EBF2: variants seen among roughly 807,000 people sequenced by gnomAD.
The protein encoded by EBF2 is transcription factor COE2.
In EBF2, 21 loss-of-function variants were observed where a neutral mutation model predicts 72.8. That is an observed-to-expected ratio of 0.29 (90% CI 0.20 to 0.42). The LOEUF (loss-of-function observed/expected upper bound fraction) is 0.42. Among genes scored for constraint, EBF2 ranks in the 10% least tolerant of loss-of-function variants. The pLI is 1.00. For missense variants in EBF2, 637 were observed against 731.2 expected (o/e 0.87, Z 1.49); for synonymous variants, 299 against 274.2 (o/e 1.09, Z -0.89).
intron 6 of EBF2, among the ~76,000 whole-genome samples, chr8:26,002,920 AGGCGGGCAGGCAGGCAGGCAGGCGGGCG>A (rs1563204761): frequency 0.025 from 222 of 8,952 alleles, no homozygotes; most frequent in Middle Eastern, 0.1. Context: ...GCAGGCGGGC[AGGCGGGCAGGCAGGCAGGCAGGCGGGCG>A]GGCAGGCAGG....
intron 6 of EBF2, among the ~76,000 whole-genome samples, chr8:25,956,328 C>CT (rs1293749890): frequency 1.3e-5 from 2 of 151,792 alleles, no homozygotes; most frequent in Admixed American, 1.3e-4. Context: ...TCCCTTGAAC[C>CT]TGGGAGGTGG....
At chr8:25,938,759 TG>T (rs1342127000) in intron 6 of EBF2, among the ~76,000 whole-genome samples, 1 of 152,170 alleles carries the variant, frequency 6.6e-6, no homozygotes, top group African/African-American at 2.4e-5. Context: ...TTGGCTCTGC[TG>T]AATGGTGGGT....
chr8:26,041,022 T>TGGG lies in EBF2; in HGVS notation c.289-21_289-20insCCC. The TGGG allele has an allele frequency of 6.2e-7, 1 of 1,613,742 alleles. No homozygotes were observed. Among genetic ancestry groups the TGGG allele is most frequent in the Non-Finnish European group, 8.5e-7 (1 of 1,179,846 alleles). ...TTGTTCCTGAAAAGACAGGCAGCGT[T>TGGG]CGATTCCCTTGCCTTTCAGCCCCCC... On this transcript the variant is annotated intron_variant, in intron 2 of 15. Coordinates refer to ENST00000520164, the MANE Select transcript of EBF2 (RefSeq NM_022659.4).
At chr8:25,927,568 T>C (rs1803406865) in intron 6 of EBF2, among the ~76,000 whole-genome samples, 1 of 152,012 alleles carries the variant, frequency 6.6e-6, no homozygotes. Context: ...CACCAAATAA[T>C]GTGGTCCTTT....
Position 25,868,861 on chromosome 8 carries a change from G to C in EBF2, c.1010-6064C>G, listed in dbSNP as rs138143467. 2.6e-5 allele frequency among the ~76,000 whole-genome samples: 4 copies of C among 151,986 alleles called. No homozygotes were observed. In the East Asian group the frequency reaches 7.7e-4, roughly 29 times the overall value. On this transcript the variant is annotated intron_variant, in intron 10 of 15. Coordinates refer to ENST00000520164, the MANE Select transcript of EBF2 (RefSeq NM_022659.4). ...TCCTAATTATTTGAGGTGTTGAGTC[G>C]CTCCATATATAAGGAATTTTGCTTG...
intron 14 of EBF2, among the ~76,000 whole-genome samples, chr8:25,853,287 T>TAATA (rs980747133): frequency 8.6e-5 from 13 of 151,994 alleles, no homozygotes; most frequent in African/African-American, 3.1e-4. Context: ...AAAATATTTG[T>TAATA]AATACTTATT....
chr8:25,968,960 G>T (rs563483673), intron 6 of EBF2, among the ~76,000 whole-genome samples: 3 of 152,168 alleles, frequency 2.0e-5, no homozygotes, highest in South Asian at 4.2e-4. Context: ...AGATGGTTAA[G>T]GTGGTAAGTG....
At chr8:25,980,153 A>G (rs150909224) in intron 6 of EBF2, among the ~76,000 whole-genome samples, 81 of 152,274 alleles carry the variant, frequency 5.3e-4, no homozygotes, top group African/African-American at 1.8e-3. Flanking sequence ...AAAAAACGGA[A>G]AAGCGGGGGT....
At chr8:25,979,394 C>T (rs1262076973) in intron 6 of EBF2, among the ~76,000 whole-genome samples, 1 of 152,180 alleles carries the variant, frequency 6.6e-6, no homozygotes, top group African/African-American at 2.4e-5. Context: ...TGTCATGCCA[C>T]ACGGCATTCG....
chr8:25,987,101 T>A (rs1214852010), intron 6 of EBF2, among the ~76,000 whole-genome samples: 1 of 152,106 alleles, frequency 6.6e-6, no homozygotes, highest in Non-Finnish European at 1.5e-5. Flanking sequence ...AAGAGGAAGA[T>A]AAGGCTAAAG....
At chr8:25,979,367 G>A (rs147475322) in intron 6 of EBF2, among the ~76,000 whole-genome samples, 1,804 of 152,296 alleles carry the variant, frequency 0.012, 20 homozygotes, top group Non-Finnish European at 0.017. Context: ...CCTGCCCCCG[G>A]CCCTCGAGTC....
At chr8:25,877,304 C>T (rs1032228372) in intron 10 of EBF2, among the ~76,000 whole-genome samples, 5 of 152,290 alleles carry the variant, frequency 3.3e-5, no homozygotes, top group African/African-American at 7.2e-5. Context: ...GAAGTCTGCG[C>T]GGAAGACAGA....
chr8:26,010,495 T>C (rs1804959791), intron 6 of EBF2, among the ~76,000 whole-genome samples: 1 of 152,142 alleles, frequency 6.6e-6, no homozygotes. Flanking sequence ...TGCAGAGCTC[T>C]CCGTTGAACA....
At chr8:25,930,660 A>G (rs563425518) in intron 6 of EBF2, among the ~76,000 whole-genome samples, 2 of 152,314 alleles carry the variant, frequency 1.3e-5, no homozygotes, top group South Asian at 4.1e-4. Context: ...TTAGGTTTAT[A>G]AATGTACTTG....
chr8:26,040,780 C>T, intron 3 of EBF2, 109 bp from the exon 4 acceptor site: 1 of 1,485,494 alleles, frequency 6.7e-7, no homozygotes, highest in Non-Finnish European at 9.1e-7. Flanking sequence ...CATGCTGAGC[C>T]GCCCTGGAGA....
intron 1 of EBF2, among the ~76,000 whole-genome samples, chr8:26,043,355 C>T (rs376809710): frequency 6.6e-6 from 1 of 152,252 alleles, no homozygotes; most frequent in Non-Finnish European, 1.5e-5. Flanking sequence ...AGCTCTCCCC[C>T]ACTAAGTCTG....
At chr8:25,907,839 G>A (rs956793568) in intron 7 of EBF2, among the ~76,000 whole-genome samples, 5 of 152,174 alleles carry the variant, frequency 3.3e-5, no homozygotes, top group Admixed American at 1.3e-4. Flanking sequence ...TCAAGGAAGG[G>A]GGCCGAGAGG....
intron 6 of EBF2, among the ~76,000 whole-genome samples, chr8:26,027,835 T>C (rs1805325345): frequency 6.6e-6 from 1 of 152,174 alleles, no homozygotes; most frequent in South Asian, 2.1e-4. Context: ...CTTGAGGTGA[T>C]GCTAAGTGAA....
chr8:25,849,352 A>G (rs550851324), intron 15 of EBF2, among the ~76,000 whole-genome samples: 33 of 152,242 alleles, frequency 2.2e-4, no homozygotes, highest in Admixed American at 9.2e-4. Flanking sequence ...CTCAGCCACA[A>G]GAGGAGACTG....
Sources: gnomAD v4.1 joint callset for allele counts (sites outside exome capture counted in the v4.1 genomes callset) on GRCh38, gnomAD v4.1.1 for gene constraint, MANE v1.5 for transcripts, NCBI Gene and HGNC (gene_info 2026-07-23, HGNC 2026-07-21) for gene names.